Variants in TNS1 observed in about 807,000 individuals in gnomAD.
The protein encoded by TNS1 is tensin 1.
A neutral mutation model predicts 168.6 loss-of-function variants in TNS1; 62 were observed. That is an observed-to-expected ratio of 0.37 (90% CI 0.30 to 0.45). TNS1 has a LOEUF of 0.45. TNS1 is among the 20% of genes least tolerant of loss of function. The pLI is 1.00. For missense variants in TNS1, 2,240 were observed against 2,339.4 expected (o/e 0.96, Z 0.88); for synonymous variants, 934 against 933.2 (o/e 1.00, Z -0.02).
intron 18 of TNS1, among the ~76,000 whole-genome samples, chr2:217,862,313 A>G (rs940064352): frequency 1.3e-5 from 2 of 152,216 alleles, no homozygotes; most frequent in African/African-American, 4.8e-5. Flanking sequence ...AACAAACTAC[A>G]GGAAATAGCA....
At chr2:217,885,449 G>T (rs1174181913) in intron 15 of TNS1, among the ~76,000 whole-genome samples, 1 of 152,244 alleles carries the variant, frequency 6.6e-6, no homozygotes, top group African/African-American at 2.4e-5. Flanking sequence ...AATGGCAGCA[G>T]GAAGAACTGA....
intron 21 of TNS1, among the ~76,000 whole-genome samples, chr2:217,834,352 T>C (rs1003621021): frequency 9.9e-5 from 15 of 152,242 alleles, no homozygotes; most frequent in Non-Finnish European, 1.5e-4. Context: ...GTCTCCTTTT[T>C]GTGCTGACCC....
At chr2:217,887,090 C>T (rs1310728740) in intron 12 of TNS1, among the ~76,000 whole-genome samples, 4 of 152,230 alleles carry the variant, frequency 2.6e-5, no homozygotes, top group Non-Finnish European at 5.9e-5. Context: ...AGCTTGCGCT[C>T]ATACTCACAG....
chr2:217,826,960 G>A (rs1943717435), intron 22 of TNS1, among the ~76,000 whole-genome samples: 1 of 152,124 alleles, frequency 6.6e-6, no homozygotes, highest in Non-Finnish European at 1.5e-5. Flanking sequence ...ATCAAGACAT[G>A]TGGGTGGGAA....
chr2:217,838,026 T>A (rs1401130049), intron 19 of TNS1, among the ~76,000 whole-genome samples: 1 of 152,214 alleles, frequency 6.6e-6, no homozygotes, highest in Non-Finnish European at 1.5e-5. Context: ...GACATAGCCA[T>A]TGATTTTCTA....
At chr2:217,903,246 C>T (rs914115541) in intron 6 of TNS1, among the ~76,000 whole-genome samples, 1 of 152,108 alleles carries the variant, frequency 6.6e-6, no homozygotes, top group Non-Finnish European at 1.5e-5. Flanking sequence ...AAGTCCCTGA[C>T]CTCAGAGAGC....
chr2:218,010,265 G>A (rs1345886987), exon 1 of TNS1: 4 of 398,362 alleles, frequency 1.0e-5, no homozygotes, highest in Non-Finnish European at 1.8e-5. Context: ...CTGGCGCAGA[G>A]TTCCGGGGTT....
chr2:217,895,130 C>T (rs1469013770), intron 8 of TNS1, 74 bp from the exon 9 acceptor site: 9 of 1,422,310 alleles, frequency 6.3e-6, no homozygotes, highest in South Asian at 1.2e-5. Context: ...AGAACCATGG[C>T]CTGCTGGTCC....
chr2:217,886,616 G>T lies in TNS1; in HGVS notation c.897C>A (p.Ser299=). 1 of 1,597,276 alleles carries T rather than the reference G, an allele frequency of 6.3e-7. No homozygotes were observed. ...RYVHYFSGLL[S]GSIKMNNKPL... ...GCTTGTTGTTCATTTTGATGGAGCC[G>T]GAGAGCAGGCCACTGAAGTAATGCA... The change falls in exon 13 of 33, where the codon TCC becomes TCA. Residue 299 remains serine, a synonymous_variant. Transcript: ENST00000682258.
At chr2:218,007,568 G>GT (rs1465766172), upstream of TNS1, among the ~76,000 whole-genome samples, 50 of 76,040 alleles carry the variant, frequency 6.6e-4, no homozygotes, top group African/African-American at 2.3e-3. Flanking sequence ...TCGGGGGGTG[G>GT]GGGGGGGGGT....
intron 3 of TNS1, among the ~76,000 whole-genome samples, chr2:217,926,888 G>T (rs10176840): frequency 2.6e-5 from 4 of 152,210 alleles, no homozygotes; most frequent in Non-Finnish European, 5.9e-5. Context: ...CACCTGCCTT[G>T]CCCCACCTGT....
chr2:217,890,201 G>A (rs1951603415), intron 12 of TNS1: 1 of 152,208 alleles, frequency 6.6e-6, no homozygotes, highest in African/African-American at 2.4e-5. Context: ...CCCTCTAAGA[G>A]GTATTCCCTG....
In TNS1 at chr2:217,847,620, C is replaced by T. The variant is rs1406712269; in HGVS notation, c.2897G>A (p.Gly966Asp). Residue 966 changes from glycine to aspartate, a missense_variant, in exon 19 of 33, where the codon GGC becomes GAC. Physicochemically the swap from Gly to Asp is moderately conservative, Grantham distance 94. Transcript: ENST00000682258. Reference sequence around the variant, plus strand: ...TGAGAGCAGAGGCTGAGCAGTGAGGCCAGGGAGAGAGGCTGGGGGTTGCTG... The same window carrying T: ...TGAGAGCAGAGGCTGAGCAGTGAGGTCAGGGAGAGAGGCTGGGGGTTGCTG... ...GPQQPPASLP[G>D]LTAQPLLSPK... 16 of 1,575,338 alleles carry T rather than the reference C, an allele frequency of 1.0e-5. No individual in the cohort carries two copies. The highest frequency in any genetic ancestry group is 6.8e-5 in the Admixed American group (4 of 58,878).
intron 24 of TNS1, 156 bp from the exon 25 acceptor site, chr2:217,815,154 A>C: frequency 1.6e-6 from 1 of 639,420 alleles, no homozygotes; most frequent in South Asian, 1.8e-5. Context: ...ACACAGGATT[A>C]GGGTGAGCCT....
chr2:217,963,975 G>C (rs1044273178), intron 3 of TNS1, among the ~76,000 whole-genome samples: 3 of 151,146 alleles, frequency 2.0e-5, no homozygotes, highest in Non-Finnish European at 4.4e-5. Flanking sequence ...TAAAACAAGA[G>C]ACTTTGACTG....
rs1412852182 is a variant in TNS1 at position 217,966,302 on chromosome 2, T to C, written c.186+12463A>G. On this transcript the variant is annotated intron_variant, in intron 3 of 32. Coordinates refer to ENST00000682258, the MANE Select transcript of TNS1 (RefSeq NM_001387777.1). ...GTGTGTGTGTGTGTGTGTGTGTGTG[T>C]GTGTGTGCGCGCGCGCGCGTGTGTA... 2.1e-4 allele frequency among the ~76,000 whole-genome samples: 29 copies of C among 140,834 alleles called. No individual in the cohort carries two copies. The East Asian group carries it at 4.6e-3, about 22-fold the overall frequency. The allele number at this position is 140,834 out of a possible 152,430, so 92.4% of individuals were successfully genotyped here.
chr2:217,863,218 C>A (rs1159090191), intron 18 of TNS1, among the ~76,000 whole-genome samples: 4 of 152,060 alleles, frequency 2.6e-5, no homozygotes, highest in Non-Finnish European at 2.9e-5. Context: ...AACAGAGTGT[C>A]TCCAGTGAAA....
In TNS1 at chr2:217,818,589, T is replaced by C. The variant is rs779890409; in HGVS notation, c.3743A>G (p.Tyr1248Cys). Reference sequence around the variant, plus strand: ...CTGAAGTGAGTAGTCGGGGCTGCTGTAGCTACTGCCCACAGTCGGGAGAGG... The same window carrying C: ...CTGAAGTGAGTAGTCGGGGCTGCTGCAGCTACTGCCCACAGTCGGGAGAGG... ...SSPLPTVGSS[Y>C]SSPDYSLQHF... The change falls in exon 24 of 33, where the codon TAC (tyrosine) becomes TGC (cysteine). Residue 1248 changes from tyrosine to cysteine, a missense_variant. Physicochemically the swap from Tyr to Cys is radical, Grantham distance 194. This residue lies in a region of TNS1 where 2,131 missense variants were observed against 2,171.2 expected (regional missense o/e 0.98). Transcript: ENST00000682258. The C allele has an allele frequency of 6.2e-7, 1 of 1,614,204 alleles. No homozygotes were observed. The highest frequency in any genetic ancestry group is 2.2e-5 in the East Asian group (1 of 44,876).
At chr2:217,891,826 C>T (rs542043071) in intron 11 of TNS1, among the ~76,000 whole-genome samples, 59 of 152,290 alleles carry the variant, frequency 3.9e-4, no homozygotes, top group African/African-American at 1.3e-3. Context: ...GTGTGCAGGG[C>T]ACATCCCACA....
Sources: gnomAD v4.1 joint callset for allele counts (sites outside exome capture counted in the v4.1 genomes callset) on GRCh38, gnomAD v4.1.1 for gene constraint, gnomAD v4.1.1 regional missense constraint, MANE v1.5 for transcripts, NCBI Gene and HGNC (gene_info 2026-07-23, HGNC 2026-07-21) for gene names.